Variants in DAB1 observed in about 807,000 individuals in gnomAD.
The protein encoded by DAB1 is DAB adaptor protein 1.
Under a neutral mutation model 64.6 loss-of-function variants are expected in DAB1, and 15 were observed. The observed-to-expected ratio is 0.23, with a 90% confidence interval of 0.16 to 0.36. The LOEUF is 0.36. Among genes scored for constraint, DAB1 ranks in the 10% least tolerant of loss-of-function variants. The pLI, the probability that DAB1 is intolerant of heterozygous loss-of-function variation, is 1.00. For missense variants in DAB1, 596 were observed against 706.7 expected, an observed-to-expected ratio of 0.84 and a Z score of 1.78; for synonymous variants, 235 against 251.9, an observed-to-expected ratio of 0.93 and a Z score of 0.64.
intron 5 of DAB1, among the ~76,000 whole-genome samples, chr1:57,924,037 G>T (rs966334601): frequency 9.8e-5 from 15 of 152,322 alleles, no homozygotes; most frequent in Middle Eastern, 3.4e-3. Context: ...AAAGGTGTTA[G>T]ACAAGGCTGA....
intron 1 of DAB1, among the ~76,000 whole-genome samples, chr1:57,297,293 C>T (rs539078089): frequency 1.3e-5 from 2 of 152,164 alleles, no homozygotes; most frequent in East Asian, 3.9e-4. Flanking sequence ...ATTATTGAGC[C>T]AGTTGATAAA....
At chr1:57,271,392 G>A (rs182798867) in intron 2 of DAB1, among the ~76,000 whole-genome samples, 1 of 152,212 alleles carries the variant, frequency 6.6e-6, no homozygotes, top group Non-Finnish European at 1.5e-5. Context: ...GTTTTGGCAG[G>A]ATGACTGCTT....
chr1:57,817,919 G>A (rs1165896103), intron 6 of DAB1, among the ~76,000 whole-genome samples: 1 of 152,118 alleles, frequency 6.6e-6, no homozygotes, highest in African/African-American at 2.4e-5. Context: ...TCATCACACT[G>A]TCTTAGGGAG....
intron 1 of DAB1, among the ~76,000 whole-genome samples, chr1:57,399,857 G>A (rs747349331): frequency 6.6e-6 from 1 of 152,176 alleles, no homozygotes; most frequent in Non-Finnish European, 1.5e-5. Flanking sequence ...TAACTCCAAG[G>A]TTCCTGCCTT....
intron 1 of DAB1, among the ~76,000 whole-genome samples, chr1:57,835,614 C>A (rs1378243996): frequency 6.6e-6 from 1 of 152,160 alleles, no homozygotes; most frequent in Admixed American, 6.5e-5. Context: ...CTCTTCTAGT[C>A]CTCCATCATT....
intron 2 of DAB1, among the ~76,000 whole-genome samples, chr1:58,515,549 TCTGGGTGATAAAATTAAGTTC>T (rs1269247844): frequency 6.6e-6 from 1 of 152,236 alleles, no homozygotes; most frequent in African/African-American, 2.4e-5. Context: ...GTCTCATTTT[TCTGGGTGATAAAATTAAGTTC>T]CAAATAATGT....
intron 1 of DAB1, among the ~76,000 whole-genome samples, chr1:57,332,071 C>A (rs1355529755): frequency 2.0e-5 from 3 of 152,178 alleles, no homozygotes. Context: ...TCAAGTGATT[C>A]TCGGGCCTCA....
intron 5 of DAB1, among the ~76,000 whole-genome samples, chr1:57,997,444 C>G (rs902461747): frequency 1.3e-5 from 2 of 152,178 alleles, no homozygotes; most frequent in Non-Finnish European, 2.9e-5. Flanking sequence ...CATTCCTGCT[C>G]TAAAACTTTT....
intron 5 of DAB1, among the ~76,000 whole-genome samples, chr1:58,137,541 C>A (rs1237214): frequency 6.6e-6 from 1 of 152,138 alleles, no homozygotes; most frequent in Non-Finnish European, 1.5e-5. Context: ...ATCCATCCAT[C>A]GGTCTATCCA....
chr1:57,716,199 C>T (rs547683311), intron 6 of DAB1, among the ~76,000 whole-genome samples: 14 of 152,176 alleles, frequency 9.2e-5, no homozygotes, highest in South Asian at 6.2e-4. Context: ...TAAGCCACCG[C>T]GCCCAGCCCA....
intron 6 of DAB1, among the ~76,000 whole-genome samples, chr1:57,732,252 G>A (rs1476946990): frequency 6.6e-6 from 1 of 152,148 alleles, no homozygotes; most frequent in Non-Finnish European, 1.5e-5. Context: ...GAAAACCTCT[G>A]CCCTAGCTAC....
chr1:58,380,185 C>T (rs1644373818), intron 3 of DAB1, among the ~76,000 whole-genome samples: 1 of 152,172 alleles, frequency 6.6e-6, no homozygotes, highest in Non-Finnish European at 1.5e-5. Context: ...ATTGTAATCC[C>T]CACATGTTGA....
At chr1:58,036,669 C>T (rs1251447099) in intron 5 of DAB1, among the ~76,000 whole-genome samples, 1 of 152,098 alleles carries the variant, frequency 6.6e-6, no homozygotes, top group Non-Finnish European at 1.5e-5. Flanking sequence ...ATAAAACAGT[C>T]TATAAGTACA....
intron 2 of DAB1, among the ~76,000 whole-genome samples, chr1:57,176,194 C>T (rs933788798): frequency 1.2e-4 from 19 of 152,126 alleles, no homozygotes; most frequent in African/African-American, 3.6e-4. Context: ...TATAGAATAT[C>T]CTTCTGTATT....
intron 14 of DAB1, among the ~76,000 whole-genome samples, chr1:57,005,148 T>C (rs1426244315): frequency 6.6e-6 from 1 of 152,182 alleles, no homozygotes; most frequent in Non-Finnish European, 1.5e-5. Context: ...TGAAATCCGC[T>C]TGGTGCATAC....
chr1:57,486,275 TCATG>T (rs1313466887), intron 7 of DAB1, among the ~76,000 whole-genome samples: 19 of 152,350 alleles, frequency 1.2e-4, no homozygotes, highest in African/African-American at 4.3e-4. Flanking sequence ...CGGTCTATTT[TCATG>T]CATGTGCATT....
rs116647879 is a variant in DAB1 at position 57,948,482 on chromosome 1, T to C, written n.388-64320A>G. Among the ~76,000 whole-genome samples, 1,289 of 152,344 alleles carry C rather than the reference T, an allele frequency of 8.5e-3. 9 individuals carry two copies. Among genetic ancestry groups the C allele is most frequent in the Non-Finnish European group, 0.014 (937 of 68,030 alleles). On this transcript the variant is annotated intron_variant and non_coding_transcript_variant, in intron 5 of 20. Coordinates refer to the DAB1 transcript ENST00000485760. Reference sequence around the variant, plus strand: ...TTTACCGTTGACATCTATTTATTTGTGTAGCATCAATATCCTGATTTGGCT... The same window carrying C: ...TTTACCGTTGACATCTATTTATTTGCGTAGCATCAATATCCTGATTTGGCT...
At chr1:57,063,455 G>C (rs182144622) in intron 8 of DAB1, among the ~76,000 whole-genome samples, 264 of 152,234 alleles carry the variant, frequency 1.7e-3, no homozygotes, top group South Asian at 7.0e-3. Flanking sequence ...AATTATGGAA[G>C]GTTTTCATTG....
chr1:58,327,256 T>C (rs919068225), intron 4 of DAB1, among the ~76,000 whole-genome samples: 1 of 151,526 alleles, frequency 6.6e-6, no homozygotes, highest in Non-Finnish European at 1.5e-5. Context: ...TTTCTTCCCA[T>C]GATAATAAAT....
Sources: allele counts gnomAD v4.1 joint callset (sites outside exome capture counted in the v4.1 genomes callset), GRCh38; gene constraint gnomAD v4.1.1; transcripts MANE v1.5; gene names NCBI Gene and HGNC (gene_info 2026-07-23, HGNC 2026-07-21).